The following CTNNAL1 variants were observed in gnomAD, a reference collection of about 807,000 sequenced individuals.
The protein encoded by CTNNAL1 is catenin alpha like 1, also known as alpha-catulin.
In CTNNAL1, 69 loss-of-function variants were observed where a neutral mutation model predicts 93.6. The observed-to-expected ratio is 0.74, with a 90% confidence interval of 0.61 to 0.90. The LOEUF is 0.90. CTNNAL1 is among the 40% of genes least tolerant of loss of function. CTNNAL1 has a pLI of 0.00. For missense variants in CTNNAL1, 836 were observed against 862.0 expected (o/e 0.97, Z 0.38); for synonymous variants, 286 against 305.4 (o/e 0.94, Z 0.66).
intron 2 of CTNNAL1, among the ~76,000 whole-genome samples, chr9:108,993,728 C>A (rs1228715459): frequency 1.3e-5 from 2 of 152,150 alleles, no homozygotes; most frequent in Non-Finnish European, 2.9e-5. Context: ...AAATAATAAA[C>A]CTTTAACCAA....
intron 2 of CTNNAL1, 123 bp from the exon 3 acceptor site, chr9:108,992,942 C>G: frequency 2.8e-6 from 3 of 1,071,452 alleles, no homozygotes; most frequent in Non-Finnish European, 3.9e-6. Context: ...ACTTCAGGAA[C>G]AAGAAACGGT....
intron 15 of CTNNAL1, 24 bp downstream of exon 15, chr9:108,948,162 G>A: frequency 6.2e-7 from 1 of 1,608,642 alleles, no homozygotes; most frequent in Non-Finnish European, 8.5e-7. Context: ...TAAAGTACTA[G>A]CATAAAACGG....
At chr9:109,000,600 C>T (rs12349781) in intron 1 of CTNNAL1, among the ~76,000 whole-genome samples, 2 of 151,614 alleles carry the variant, frequency 1.3e-5, no homozygotes, top group Admixed American at 1.3e-4. Context: ...GGTCTTCCTT[C>T]TAAGACAAAG....
chr9:108,969,795 G>C (rs1295958961), intron 10 of CTNNAL1, among the ~76,000 whole-genome samples: 1 of 152,200 alleles, frequency 6.6e-6, no homozygotes, highest in African/African-American at 2.4e-5. Flanking sequence ...TAGGACTATA[G>C]GTAAGCACCA....
At chr9:108,972,858 GGGT>G in intron 8 of CTNNAL1, 25 bp from the exon 9 acceptor site, 2 of 400,170 alleles carry the variant, frequency 5.0e-6, no homozygotes, top group South Asian at 4.1e-5. Context: ...GTGGGTGGGG[GGGT>G]GGGAGGGTGG....
At chr9:108,945,521 G>C (rs1830375337) in intron 15 of CTNNAL1, among the ~76,000 whole-genome samples, 1 of 149,752 alleles carries the variant, frequency 6.7e-6, no homozygotes, top group Non-Finnish European at 1.5e-5. Context: ...AAGTGAAGTG[G>C]TGTGATCACA....
At chr9:109,006,489 A>G (rs1827031291) in intron 1 of CTNNAL1, among the ~76,000 whole-genome samples, 1 of 152,242 alleles carries the variant, frequency 6.6e-6, no homozygotes, top group Non-Finnish European at 1.5e-5. Context: ...GGATTATGTT[A>G]AGGATCAAGG....
intron 11 of CTNNAL1, among the ~76,000 whole-genome samples, chr9:108,965,145 G>A (rs528184754): frequency 6.6e-6 from 1 of 152,230 alleles, no homozygotes; most frequent in East Asian, 1.9e-4. Context: ...ACAGGTGTGA[G>A]CCGCCACACC....
At position 109,013,345 on chromosome 9, in the gene CTNNAL1, T is replaced by C. The variant is rs1827274593; in HGVS notation, c.98A>G (p.Lys33Arg). Reference protein sequence around the residue: ...GFALDSGLEIKTRSVEQTLLP... With the variant: ...GFALDSGLEIRTRSVEQTLLP... ...TAGCGTCTGCTCCACCGAGCGAGTT[T>C]TGATCTCCAGTCCCGAGTCGAGGGC... Residue 33 changes from lysine to arginine, a missense_variant, in exon 1 of 19, where the codon AAA becomes AGA. Physicochemically the swap from Lys to Arg is conservative, Grantham distance 26 (BLOSUM62 2). Transcript: ENST00000325551. 2 of 1,515,732 alleles carry C rather than the reference T, an allele frequency of 1.3e-6. No homozygotes were observed. The highest frequency in any genetic ancestry group is 1.4e-5 in the African/African-American group (1 of 69,026). The allele number at this position is 1,515,732 out of a possible 1,614,324, so 93.9% of individuals were successfully genotyped here. A position where few individuals can be genotyped will look rare whatever the true frequency, so the allele number is the denominator to read the frequency against.
At position 108,965,375 on chromosome 9, in the gene CTNNAL1, C is replaced by A; in HGVS notation, c.1591+3G>T. The A allele has an allele frequency of 6.9e-7, 1 of 1,447,402 alleles. No homozygotes were observed. The highest frequency in any genetic ancestry group is 2.6e-5 in the East Asian group (1 of 37,918). 89.7% of individuals were successfully genotyped at this position (1,447,402 alleles called of 1,614,324 possible). A position where few individuals can be genotyped will look rare whatever the true frequency, so the allele number is the denominator to read the frequency against. ...ATATTTCATTATGTGGACAGTTTCT[C>A]ACCTCGTCTTCCTTCAAACACGTCA... On this transcript the variant is annotated splice_donor_region_variant and intron_variant, in intron 11 of 18. Coordinates refer to ENST00000325551, the MANE Select transcript of CTNNAL1 (RefSeq NM_003798.4).
chr9:108,981,456 C>G (rs1326025052), intron 6 of CTNNAL1, among the ~76,000 whole-genome samples: 1 of 145,212 alleles, frequency 6.9e-6, no homozygotes, highest in Non-Finnish European at 1.5e-5. Flanking sequence ...CTTACTAGCT[C>G]TCCTCCTCAA....
intron 1 of CTNNAL1, among the ~76,000 whole-genome samples, chr9:109,000,964 C>T (rs1826798620): frequency 1.3e-5 from 2 of 149,248 alleles, no homozygotes. Flanking sequence ...AGTTCAAGAC[C>T]AGCCTGGCCA....
At chr9:108,972,864 G>GGGGGGGC in intron 8 of CTNNAL1, 31 bp from the exon 9 acceptor site, 3 of 142,558 alleles carry the variant, frequency 2.1e-5, no homozygotes, top group African/African-American at 9.6e-5. Context: ...GGGGGGGTGG[G>GGGGGGGC]AGGGTGGAGA....
chr9:109,000,188 G>T (rs545551470), intron 1 of CTNNAL1, among the ~76,000 whole-genome samples: 1 of 152,226 alleles, frequency 6.6e-6, no homozygotes, highest in East Asian at 1.9e-4. Flanking sequence ...AAGTGGTCTA[G>T]GGAAATTTAA....
chr9:108,952,459 G>T lies in CTNNAL1; in HGVS notation c.1665C>A (p.Asp555Glu), dbSNP rs34922868. ...NNANLKSLKP[D>E]KPDSEEQAKI... Reference sequence around the variant, plus strand: ...TTGGTCTTACCTCAGAGTCAGGCTTGTCTGGCTTTAATGATTTCAGGTTTG... The same window carrying T: ...TTGGTCTTACCTCAGAGTCAGGCTTTTCTGGCTTTAATGATTTCAGGTTTG... The change falls in exon 13 of 19, where the codon GAC becomes GAA. Residue 555 changes from aspartate to glutamate, a missense_variant. By Grantham distance (45) the Asp-to-Glu change is conservative. Transcript: ENST00000325551. 806 of 1,614,166 alleles carry T rather than the reference G, an allele frequency of 5.0e-4. 6 individuals are homozygous for T. The African/African-American group carries it at 9.3e-3, about 19-fold the overall frequency.
chr9:108,962,014 G>T (rs981074056), intron 11 of CTNNAL1, among the ~76,000 whole-genome samples: 1 of 152,200 alleles, frequency 6.6e-6, no homozygotes, highest in Admixed American at 6.5e-5. Flanking sequence ...TTTAGGATTG[G>T]AGTGGAGTTT....
At chr9:108,972,864 G>GTCCCCC in intron 8 of CTNNAL1, 31 bp from the exon 9 acceptor site, 1 of 142,590 alleles carries the variant, frequency 7.0e-6, no homozygotes. Context: ...GGGGGGGTGG[G>GTCCCCC]AGGGTGGAGA....
chr9:108,987,300 G>T (rs1315039429), intron 4 of CTNNAL1, among the ~76,000 whole-genome samples: 1 of 151,100 alleles, frequency 6.6e-6, no homozygotes, highest in Non-Finnish European at 1.5e-5. Flanking sequence ...TTTCCCCATT[G>T]CTTGTTTTTC....
chr9:109,003,444 G>T (rs918807352), intron 1 of CTNNAL1, among the ~76,000 whole-genome samples: 1 of 152,176 alleles, frequency 6.6e-6, no homozygotes, highest in East Asian at 1.9e-4. Flanking sequence ...CAGGGAACAG[G>T]CTGAGAAATC....
Sources: allele counts gnomAD v4.1 joint callset (sites outside exome capture counted in the v4.1 genomes callset), GRCh38; gene constraint gnomAD v4.1.1; transcripts MANE v1.5; gene names NCBI Gene and HGNC (gene_info 2026-07-23, HGNC 2026-07-21).